The following BTRC variants were observed in gnomAD, a reference collection of about 807,000 sequenced individuals.
BTRC encodes beta-transducin repeat containing E3 ubiquitin protein ligase, also known as F-box/WD repeat-containing protein 1A.
A neutral mutation model predicts 85.5 loss-of-function variants in BTRC; 42 were observed. The ratio of observed to expected loss-of-function variants is 0.49; its 90% confidence interval spans 0.38 to 0.64. The LOEUF is 0.64. Among genes scored for constraint, BTRC ranks in the 30% least tolerant of loss-of-function variants. The pLI, the probability that BTRC is intolerant of heterozygous loss-of-function variation, is 0.00. For missense variants in BTRC, 594 were observed against 743.5 expected (o/e 0.80, Z 2.34); for synonymous variants, 255 against 263.3 (o/e 0.97, Z 0.30).
Position 101,532,308 on chromosome 10 carries a change from A to G in BTRC, c.854A>G (p.Asn285Ser). Reference sequence around the variant, plus strand: ...CCTTCTTCTCAGACAATAGAATCTAATTGGAGATGTGGAAGACATAGTTTA... The same window carrying G: ...CCTTCTTCTCAGACAATAGAATCTAGTTGGAGATGTGGAAGACATAGTTTA... The part of the protein sequence containing the change: ...IIQDIETIES[N>S]WRCGRHSLQR... The change falls in exon 8 of 15, where the codon AAT becomes AGT. Residue 285 changes from asparagine (N) to serine (S), a missense_variant. By Grantham distance (46) the Asn-to-Ser change is conservative. Coordinates refer to ENST00000370187, the MANE Select transcript of BTRC (RefSeq NM_033637.4). The G allele has an allele frequency of 6.2e-7, 1 of 1,612,018 alleles. No individual in the cohort carries two copies. The highest frequency in any genetic ancestry group is 2.2e-5 in the East Asian group (1 of 44,842).
chr10:101,389,610 C>CTTTTT (rs34480405), intron 1 of BTRC, among the ~76,000 whole-genome samples: 13 of 62,544 alleles, frequency 2.1e-4, no homozygotes, highest in East Asian at 5.9e-4. Context: ...TGCCAAACAC[C>CTTTTT]TTTTTTTTTT....
intron 2 of BTRC, among the ~76,000 whole-genome samples, chr10:101,445,117 G>A (rs1241553129): frequency 6.6e-6 from 1 of 152,246 alleles, no homozygotes; most frequent in East Asian, 1.9e-4. Flanking sequence ...TGTTATTAAT[G>A]GCATTGAAGA....
chr10:101,550,765 G>A lies in BTRC; in HGVS notation c.1723G>A (p.Asp575Asn), dbSNP rs1249182469. 4 of 1,613,812 alleles carry A rather than the reference G, an allele frequency of 2.5e-6. No individual in the cohort carries two copies. The highest frequency in any genetic ancestry group is 1.3e-5 in the African/African-American group (1 of 74,874). The change falls in exon 14 of 15, where the codon GAC becomes AAC. Residue 575 changes from aspartate to asparagine, a missense_variant. Asp to Asn is a conservative substitution (Grantham distance 23). Around this residue, in one of 4 missense-constraint regions of BTRC, gnomAD observed 56 missense variants for 39.6 expected, o/e 1.41. Transcript: ENST00000370187. The part of the protein sequence containing the change: ...EFQIVSSSHD[D>N]TILIWDFLND... Reference sequence around the variant, plus strand: ...CCAGATTGTCAGTAGTTCACATGATGACACAATCCTCATCTGGGACTTCCT... The same window carrying A: ...CCAGATTGTCAGTAGTTCACATGATAACACAATCCTCATCTGGGACTTCCT...
At chr10:101,453,557 G>GT (rs1945002310) in intron 2 of BTRC, 1 of 152,150 alleles carries the variant, frequency 6.6e-6, no homozygotes, top group African/African-American at 2.4e-5. Flanking sequence ...AAAGATTATT[G>GT]TAAGTCATTA....
At chr10:101,490,612 CGCATTGTGTA>C (rs1946105678) in intron 4 of BTRC, among the ~76,000 whole-genome samples, 1 of 152,168 alleles carries the variant, frequency 6.6e-6, no homozygotes, top group Admixed American at 6.5e-5. Context: ...CTTCCCCCAT[CGCATTGTGTA>C]GCTTTTCTCC....
chr10:101,434,786 A>G (rs984190443), intron 2 of BTRC, among the ~76,000 whole-genome samples: 1 of 150,210 alleles, frequency 6.7e-6, no homozygotes, highest in African/African-American at 2.4e-5. Context: ...CATGGCTGAA[A>G]CCCCGTCTCT....
intron 1 of BTRC, among the ~76,000 whole-genome samples, chr10:101,371,093 A>G (rs761127904): frequency 6.6e-6 from 1 of 152,164 alleles, no homozygotes; most frequent in Non-Finnish European, 1.5e-5. Flanking sequence ...TTGTCTTGCA[A>G]AACTGAAACT....
chr10:101,436,840 A>G (rs1449708236), intron 2 of BTRC, among the ~76,000 whole-genome samples: 1 of 152,220 alleles, frequency 6.6e-6, no homozygotes, highest in Non-Finnish European at 1.5e-5. Flanking sequence ...GAATGCTTAC[A>G]AGTCTACTGA....
intron 8 of BTRC, among the ~76,000 whole-genome samples, 163 bp from the exon 9 acceptor site, chr10:101,532,789 T>TGTGTGC (rs57980548): frequency 0.012 from 917 of 78,224 alleles, 18 homozygotes; most frequent in African/African-American, 0.031. Context: ...TGTGTGTGTG[T>TGTGTGC]GCGCGTGTGC....
chr10:101,354,973 A>T (rs1366488938), intron 1 of BTRC, among the ~76,000 whole-genome samples: 1 of 152,222 alleles, frequency 6.6e-6, no homozygotes, highest in Non-Finnish European at 1.5e-5. Context: ...GGAGGGGTAC[A>T]TAACGCTACT....
intron 2 of BTRC, among the ~76,000 whole-genome samples, chr10:101,456,888 T>C (rs1196991152): frequency 6.6e-6 from 1 of 151,808 alleles, no homozygotes; most frequent in Non-Finnish European, 1.5e-5. Flanking sequence ...AATATTTGAG[T>C]TAATATAAAA....
At chr10:101,453,911 C>T (rs1397012779) in intron 2 of BTRC, among the ~76,000 whole-genome samples, 1 of 152,176 alleles carries the variant, frequency 6.6e-6, no homozygotes. Flanking sequence ...TGGCCACTTA[C>T]CTCTTCCGTT....
intron 1 of BTRC, 106 bp from the exon 2 acceptor site, chr10:101,430,239 G>T (rs1366059323): frequency 3.3e-6 from 2 of 613,452 alleles, no homozygotes; most frequent in African/African-American, 3.8e-5. Flanking sequence ...TATCATAAAG[G>T]TCAGCTGCAA....
Position 101,534,658 on chromosome 10 carries a change from C to T in BTRC, c.1098-3C>T. 6.2e-7 allele frequency: 1 copy of T among 1,614,050 alleles called. No homozygotes were observed. Among genetic ancestry groups the T allele is most frequent in the African/African-American group, 1.3e-5 (1 of 75,008 alleles). On this transcript the variant is annotated splice_polypyrimidine_tract_variant and splice_region_variant and intron_variant, in intron 9 of 14. Transcript: ENST00000370187. ...CCATCTAAATCTCATCTATCACTTC[C>T]AGAGTGTGGGATGTAAATACAGGTG...
chr10:101,546,126 A>G (rs1390098197), intron 13 of BTRC, among the ~76,000 whole-genome samples: 1 of 152,274 alleles, frequency 6.6e-6, no homozygotes, highest in Non-Finnish European at 1.5e-5. Flanking sequence ...TCAAGTGGAT[A>G]TAATTGACAA....
At chr10:101,544,543 C>G (rs2062526880) in intron 13 of BTRC, among the ~76,000 whole-genome samples, 1 of 151,780 alleles carries the variant, frequency 6.6e-6, no homozygotes, top group African/African-American at 2.4e-5. Flanking sequence ...ACATAGCTGA[C>G]TACAGGCTTG....
chr10:101,380,678 C>T (rs2133958785), intron 1 of BTRC, among the ~76,000 whole-genome samples: 1 of 152,208 alleles, frequency 6.6e-6, no homozygotes, highest in African/African-American at 2.4e-5. Flanking sequence ...ATTTCCTTGT[C>T]TAAGTATAAG....
At chr10:101,517,650 A>G (rs1406100749) in intron 4 of BTRC, among the ~76,000 whole-genome samples, 2 of 152,150 alleles carry the variant, frequency 1.3e-5, no homozygotes, top group African/African-American at 4.8e-5. Context: ...CCCATTTGTG[A>G]TTATCCTTTA....
intron 1 of BTRC, among the ~76,000 whole-genome samples, chr10:101,402,096 C>T (rs972161638): frequency 3.3e-5 from 5 of 152,082 alleles, no homozygotes; most frequent in African/African-American, 1.2e-4. Context: ...ATTCTAGTCT[C>T]TCTGGTAAAT....
Sources: gnomAD v4.1 joint callset for allele counts (sites outside exome capture counted in the v4.1 genomes callset) on GRCh38, gnomAD v4.1.1 for gene constraint, gnomAD v4.1.1 regional missense constraint, MANE v1.5 for transcripts, NCBI Gene and HGNC (gene_info 2026-07-23, HGNC 2026-07-21) for gene names.